The following DHX37 variants were observed in gnomAD, a reference collection of about 807,000 sequenced individuals.
The protein encoded by DHX37 is DEAH-box helicase 37.
DHX37 carries 52 observed loss-of-function variants against 134.3 expected under a neutral mutation model. The ratio of observed to expected loss-of-function variants is 0.39; its 90% CI spans 0.31 to 0.49. The LOEUF is 0.49. Ranked by LOEUF, DHX37 falls within the 20% of genes least tolerant of loss-of-function variation. The pLI, the probability that DHX37 is intolerant of heterozygous loss-of-function variation, is 0.93. For missense variants in DHX37, 1,344 were observed against 1,580.8 expected (o/e 0.85, Z 2.54); for synonymous variants, 634 against 670.7 (o/e 0.95, Z 0.85).
At chr12:124,987,843 T>C (rs1378945207) in intron 1 of DHX37, among the ~76,000 whole-genome samples, 6 of 152,168 alleles carry the variant, frequency 3.9e-5, no homozygotes, top group East Asian at 1.9e-4. Context: ...TTAAGTGTCA[T>C]GTTGACACTC....
Position 124,985,709 on chromosome 12 carries a change from G to C in DHX37, c.276+387C>G, listed in dbSNP as rs548104869. ...GATCATTTCACTGCACTCCAGCCTG[G>C]GCAACAGAGCAAGACTCCATCTCAA... On this transcript the variant is annotated intron_variant, in intron 2 of 26. Coordinates refer to ENST00000308736, the MANE Select transcript of DHX37 (RefSeq NM_032656.4). Among the ~76,000 whole-genome samples, 24 of 149,374 alleles carry C rather than the reference G, an allele frequency of 1.6e-4. No homozygotes were observed. The East Asian group carries it at 3.7e-3, about 23-fold the overall frequency.
Position 124,947,456 on chromosome 12 carries a change from AGGGC to A in DHX37, c.*342_*345del, listed in dbSNP as rs1239266225. On this transcript the variant is annotated 3_prime_UTR_variant, in exon 27 of 27. Transcript: ENST00000308736. Reference sequence around the variant, plus strand: ...CCACGTGCCTCCTCGGCCTTCTGGCAGGGCGGGCGGGGAAGGGACTGCAGAGATC... The same window carrying A: ...CCACGTGCCTCCTCGGCCTTCTGGCAGGGCGGGGAAGGGACTGCAGAGATC... The A allele has an allele frequency of 5.0e-6, 1 of 201,710 alleles. No individual in the cohort carries two copies. Among genetic ancestry groups the A allele is most frequent in the Non-Finnish European group, 9.8e-6 (1 of 102,424 alleles). The allele number at this position is 201,710 out of a possible 1,614,324, so 12.5% of individuals were successfully genotyped here. A position where few individuals can be genotyped will look rare whatever the true frequency, so the allele number is the denominator to read the frequency against.
rs1953947650 is a variant in DHX37, at chr12:124,950,198, T to C, written c.3167A>G (p.Glu1056Gly). 1 of 1,613,866 alleles carries C rather than the reference T, an allele frequency of 6.2e-7. No individual in the cohort carries two copies. Among genetic ancestry groups the C allele is most frequent in the African/African-American group, 1.3e-5 (1 of 74,908 alleles). Residue 1056 changes from glutamate to glycine, a missense_variant, in exon 24 of 27, where the codon GAG becomes GGG. This residue lies in a region of DHX37 where 558 missense variants were observed against 650.0 expected (regional missense o/e 0.86). Transcript: ENST00000308736. ...AAAGTGCTTGTAGCGGTCAATCCCC[T>C]CTGGAAAATCCACCTCGATGGCGGG... ...PLPAIEVDFP[E>G]GIDRYKHFAR...
Position 124,980,896 on chromosome 12 carries a change from G to C in DHX37, c.390-58C>G. On this transcript the variant is annotated intron_variant, in intron 3 of 26. Transcript: ENST00000308736. This position sits in a 1 kb window ranked among gnomAD's most constrained non-coding sequence, Gnocchi z 5.3. ...GCCCCACCTCAATCCCAGAGGTCAGGACTCCAAGGCCATACCCCTTTCTGC... is the reference window on the plus strand; with the variant it reads ...GCCCCACCTCAATCCCAGAGGTCAGCACTCCAAGGCCATACCCCTTTCTGC... 1 of 1,523,310 alleles carries C rather than the reference G, an allele frequency of 6.6e-7. No individual in the cohort carries two copies. Among genetic ancestry groups the C allele is most frequent in the South Asian group, 1.2e-5 (1 of 83,242 alleles). The allele number at this position is 1,523,310 out of a possible 1,614,324, so 94.4% of individuals were successfully genotyped here.
At chr12:124,985,580 C>CAA (rs11327017) in intron 2 of DHX37, among the ~76,000 whole-genome samples, 35 of 115,920 alleles carry the variant, frequency 3.0e-4, no homozygotes, top group East Asian at 1.2e-3. Flanking sequence ...ACTAAAAATA[C>CAA]AAAAAAAAAA....
At position 124,950,435 on chromosome 12, in the gene DHX37, C is replaced by T. The variant is rs1454510167; in HGVS notation, c.3099G>A (p.Leu1033=). Reference sequence around the variant, plus strand: ...CACAGAACACGCTGGCCCGGTGACACAGCACCCGCCCCCGCTCGGGGCAGT... The same window carrying T: ...CACAGAACACGCTGGCCCGGTGACATAGCACCCGCCCCCGCTCGGGGCAGT... ...PTYCPERGRV[L]CHRASVFYRV... The change falls in exon 23 of 27, where the codon CTG becomes CTA. Residue 1033 remains leucine, a synonymous_variant. Coordinates refer to ENST00000308736, the MANE Select transcript of DHX37 (RefSeq NM_032656.4). The T allele has an allele frequency of 6.9e-6, 11 of 1,595,412 alleles. No individual in the cohort carries two copies. In the South Asian group the frequency reaches 1.0e-4, roughly 15 times the overall value.
intron 14 of DHX37, 85 bp downstream of exon 14, chr12:124,964,845 G>A: frequency 6.8e-7 from 1 of 1,470,924 alleles, no homozygotes; most frequent in Non-Finnish European, 9.2e-7. Flanking sequence ...ACAGCAGATG[G>A]AGAGGACCAC....
intron 15 of DHX37, among the ~76,000 whole-genome samples, chr12:124,963,437 G>A (rs563416363): frequency 6.6e-6 from 1 of 152,114 alleles, no homozygotes; most frequent in Admixed American, 6.6e-5. Flanking sequence ...TGTGGTGATG[G>A]TTGCACAACT....
chr12:124,953,676 A>G (rs1954020867), intron 20 of DHX37: 30 of 899,116 alleles, frequency 3.3e-5, no homozygotes, highest in Non-Finnish European at 4.7e-5. Context: ...GCAGGCTGGC[A>G]GCTCGAATCT....
intron 4 of DHX37, 123 bp from the exon 5 acceptor site, chr12:124,977,613 C>A: frequency 8.3e-7 from 1 of 1,206,532 alleles, no homozygotes. Context: ...AACAGAGGCC[C>A]TGACAGCTGG....
At chr12:124,972,376 C>T (rs1334466924) in intron 7 of DHX37, 127 bp downstream of exon 7, 3 of 930,982 alleles carry the variant, frequency 3.2e-6, no homozygotes, top group East Asian at 2.4e-5. Context: ...CCCAAAGTCA[C>T]ACAGCAGCAC....
chr12:124,961,691 T>A (rs1954268734), intron 15 of DHX37, among the ~76,000 whole-genome samples: 1 of 152,164 alleles, frequency 6.6e-6, no homozygotes, highest in South Asian at 2.1e-4. Flanking sequence ...CCTCCCAAAG[T>A]GCTGGGATTA....
At chr12:124,977,725 G>A (rs1954674743) in intron 4 of DHX37, among the ~76,000 whole-genome samples, 1 of 152,196 alleles carries the variant, frequency 6.6e-6, no homozygotes, top group Admixed American at 6.5e-5. Context: ...TTGGGGCAGA[G>A]CAGTCTCTCA....
At chr12:124,963,592 G>A (rs1353066673) in intron 15 of DHX37, among the ~76,000 whole-genome samples, 4 of 152,064 alleles carry the variant, frequency 2.6e-5, no homozygotes, top group Non-Finnish European at 4.4e-5. Flanking sequence ...AACAGTGGCC[G>A]GGCACGGTGG....
chr12:124,966,757 T>C (rs767254483), intron 12 of DHX37, 36 bp downstream of exon 12: 2 of 1,606,014 alleles, frequency 1.2e-6, no homozygotes, highest in Non-Finnish European at 1.7e-6. Flanking sequence ...CAACGCAGCC[T>C]TACTCTCCAG....
intron 13 of DHX37, among the ~76,000 whole-genome samples, chr12:124,965,441 C>T (rs1954362508): frequency 6.6e-6 from 1 of 152,210 alleles, no homozygotes; most frequent in African/African-American, 2.4e-5. Context: ...TGGGCAACAC[C>T]CCCAGGCTCT....
intron 1 of DHX37, 66 bp from the exon 2 acceptor site, chr12:124,986,331 C>G: frequency 6.4e-7 from 1 of 1,569,732 alleles, no homozygotes; most frequent in East Asian, 2.2e-5. Context: ...CTCCCACAAG[C>G]CCCCTGACTT....
intron 16 of DHX37, among the ~76,000 whole-genome samples, chr12:124,959,769 T>G (rs1251558296): frequency 6.6e-6 from 1 of 152,172 alleles, no homozygotes; most frequent in Non-Finnish European, 1.5e-5. Context: ...AGCACAGATG[T>G]TTAAAAGGCA....
At chr12:124,947,958 G>T in intron 26 of DHX37, 71 bp from the exon 27 acceptor site, 2 of 1,611,722 alleles carry the variant, frequency 1.2e-6, no homozygotes, top group Non-Finnish European at 1.7e-6. Flanking sequence ...GTGGCAAAAA[G>T]CTGGCCAGCA....
Sources: allele counts gnomAD v4.1 joint callset (sites outside exome capture counted in the v4.1 genomes callset), GRCh38; gene constraint gnomAD v4.1.1; regional missense constraint gnomAD v4.1.1; non-coding constraint Gnocchi (gnomAD v3.1); transcripts MANE v1.5; gene names NCBI Gene and HGNC (gene_info 2026-07-23, HGNC 2026-07-21).